NBAS: variants seen among roughly 807,000 people sequenced by gnomAD.
NBAS encodes NBAS subunit of NRZ tethering complex, also known as NAG/BC035112 fusion.
In NBAS, 219 loss-of-function variants were observed where a neutral mutation model predicts 302.5. That is an observed-to-expected ratio of 0.72 (90% CI 0.65 to 0.81). The LOEUF (loss-of-function observed/expected upper bound fraction) is 0.81. Ranked by LOEUF, NBAS falls within the 30% of genes least tolerant of loss-of-function variation. The pLI is 0.00. For synonymous variants in NBAS, 1,118 were observed against 1,021.6 expected (o/e 1.09, Z -1.80); for missense variants, 2,932 against 2,841.6 (o/e 1.03, Z -0.72).
At chr2:14,885,645 AG>A in the NBAS span, among the ~76,000 whole-genome samples, 1,903 of 152,290 alleles carry the variant, frequency 0.012, 12 homozygotes, top group Non-Finnish European at 0.02. Context: ...GATTTTCAAT[AG>A]GGAAGAAACA....
chr2:14,847,616 C>T, the NBAS span, among the ~76,000 whole-genome samples: 8 of 151,530 alleles, frequency 5.3e-5, no homozygotes, highest in South Asian at 1.7e-3. Flanking sequence ...GCACCCAACA[C>T]TGGAGCATTC....
chr2:14,848,328 G>T, the NBAS span, among the ~76,000 whole-genome samples: 1 of 145,700 alleles, frequency 6.9e-6, no homozygotes, highest in Non-Finnish European at 1.5e-5. Context: ...GACACACCTG[G>T]AAAATCGGGT....
the NBAS span, among the ~76,000 whole-genome samples, chr2:14,823,297 G>A: frequency 4.6e-5 from 7 of 152,114 alleles, no homozygotes; most frequent in East Asian, 1.2e-3. Flanking sequence ...TCATAATCTC[G>A]TTTACATGAT....
At chr2:15,278,928 C>T (rs191889782) in intron 42 of NBAS, among the ~76,000 whole-genome samples, 23 of 152,200 alleles carry the variant, frequency 1.5e-4, no homozygotes, top group Admixed American at 1.5e-3. Flanking sequence ...AACGCCTGTA[C>T]AAGGAACAGT....
intron 51 of NBAS, 42 bp from the exon 52 acceptor site, chr2:15,167,365 T>G: frequency 1.2e-6 from 2 of 1,609,364 alleles, no homozygotes; most frequent in Non-Finnish European, 1.7e-6. Context: ...GGGTGTTTGC[T>G]TTGTTCGCCT....
the NBAS span, among the ~76,000 whole-genome samples, chr2:15,058,573 C>A: frequency 0.49 from 75,105 of 152,046 alleles, 20,853 homozygotes; most frequent in African/African-American, 0.77. Flanking sequence ...TCAAGCCCAG[C>A]GTGACAATAT....
chr2:15,485,257 GATC>G (rs1230481539), intron 12 of NBAS, among the ~76,000 whole-genome samples: 1 of 151,278 alleles, frequency 6.6e-6, no homozygotes, highest in African/African-American at 2.4e-5. Flanking sequence ...TGTTTTTAAA[GATC>G]ATCAAATAAA....
At chr2:14,829,061 T>C in the NBAS span, among the ~76,000 whole-genome samples, 1 of 149,286 alleles carries the variant, frequency 6.7e-6, no homozygotes, top group Non-Finnish European at 1.5e-5. Flanking sequence ...TTTCACAGAG[T>C]CAAGACTCAA....
intron 25 of NBAS, among the ~76,000 whole-genome samples, chr2:15,409,666 CTTTA>C (rs1553307312): frequency 6.6e-6 from 1 of 152,036 alleles, no homozygotes; most frequent in Non-Finnish European, 1.5e-5. Context: ...TATCTCATGT[CTTTA>C]TTTCTTTCCT....
chr2:15,123,656 T>C, the NBAS span, among the ~76,000 whole-genome samples: 1 of 152,122 alleles, frequency 6.6e-6, no homozygotes, highest in Non-Finnish European at 1.5e-5. Context: ...CTCTCTGTCT[T>C]GCTCCCACTC....
intron 29 of NBAS, among the ~76,000 whole-genome samples, chr2:15,381,850 T>C (rs984932528): frequency 6.6e-6 from 1 of 152,200 alleles, no homozygotes; most frequent in Non-Finnish European, 1.5e-5. Context: ...TTCTCAACAG[T>C]CTACATTAGC....
chr2:15,313,510 C>A (rs376571663), intron 38 of NBAS, among the ~76,000 whole-genome samples: 15 of 152,288 alleles, frequency 9.8e-5, no homozygotes, highest in African/African-American at 3.6e-4. Flanking sequence ...TGATCAGTAC[C>A]TATCAGGCGA....
chr2:15,119,465 T>A, the NBAS span, among the ~76,000 whole-genome samples: 1 of 151,956 alleles, frequency 6.6e-6, no homozygotes, highest in Non-Finnish European at 1.5e-5. Flanking sequence ...CTCAGTCTCC[T>A]GAGTAGCTGG....
Position 15,424,387 on chromosome 2 carries a change from G to A in NBAS, c.2505C>T (p.Thr835=), listed in dbSNP as rs1677361533. The stretch of plus-strand genomic sequence containing the variant: ...CCATAACCTTCTCCACCGTAAGCTG[G>A]GTCATCCTGAACCTTAGTAACTCAG... ...AQPELLRFRM[T]QLTVEKVMDW... The change falls in exon 23 of 52, where the codon ACC becomes ACT. Residue 835 remains threonine (T), a synonymous_variant. Transcript: ENST00000281513. 1.2e-6 allele frequency: 2 copies of A among 1,614,014 alleles called. No homozygotes were observed. The highest frequency in any genetic ancestry group is 8.5e-7 in the Non-Finnish European group (1 of 1,179,974).
the NBAS span, among the ~76,000 whole-genome samples, chr2:14,919,825 T>C: frequency 6.6e-6 from 1 of 152,236 alleles, no homozygotes; most frequent in East Asian, 1.9e-4. Context: ...CTTCTAATTC[T>C]ATTTTTCTTG....
intron 38 of NBAS, among the ~76,000 whole-genome samples, chr2:15,323,579 G>A (rs1671920407): frequency 6.6e-6 from 1 of 152,154 alleles, no homozygotes; most frequent in African/African-American, 2.4e-5. Flanking sequence ...GTATGAGCCA[G>A]GTGTGCTCTG....
chr2:14,886,869 C>G, the NBAS span: 1 of 152,224 alleles, frequency 6.6e-6, no homozygotes, highest in Non-Finnish European at 1.5e-5. Context: ...CTGTTTCACA[C>G]AAGCTAGGAT....
At chr2:15,094,753 C>T in the NBAS span, among the ~76,000 whole-genome samples, 3 of 152,142 alleles carry the variant, frequency 2.0e-5, no homozygotes, top group Non-Finnish European at 4.4e-5. Context: ...CTCCCGCCGG[C>T]CCTTTGCAGT....
chr2:15,445,377 T>C (rs1488296639), intron 21 of NBAS, among the ~76,000 whole-genome samples: 4 of 148,890 alleles, frequency 2.7e-5, no homozygotes, highest in African/African-American at 9.9e-5. Flanking sequence ...AAATTGGAAA[T>C]CATCATTCTC....
Sources: allele counts gnomAD v4.1 joint callset (sites outside exome capture counted in the v4.1 genomes callset), GRCh38; gene constraint gnomAD v4.1.1; transcripts MANE v1.5; gene names NCBI Gene and HGNC (gene_info 2026-07-23, HGNC 2026-07-21).